CACNA2D3: variants seen among roughly 807,000 people sequenced by gnomAD.
CACNA2D3 encodes voltage-dependent calcium channel subunit alpha-2/delta-3.
Under a neutral mutation model 160.6 loss-of-function variants are expected in CACNA2D3, and 60 were observed. The observed-to-expected ratio is 0.37, with a 90% CI of 0.30 to 0.46. The LOEUF is 0.46. CACNA2D3 is among the 20% of genes least tolerant of loss of function. CACNA2D3 has a pLI of 1.00. For missense variants in CACNA2D3, 1,205 were observed against 1,365.0 expected (o/e 0.88, Z 1.85); for synonymous variants, 558 against 492.9 (o/e 1.13, Z -1.75).
chr3:54,691,390 G>T (rs1700567414), intron 11 of CACNA2D3, among the ~76,000 whole-genome samples: 1 of 152,140 alleles, frequency 6.6e-6, no homozygotes, highest in Non-Finnish European at 1.5e-5. Context: ...CATACAAACA[G>T]CTGATATGTG....
At chr3:54,767,459 G>GTAAA (rs1343163838) in intron 13 of CACNA2D3, among the ~76,000 whole-genome samples, 1 of 152,150 alleles carries the variant, frequency 6.6e-6, no homozygotes, top group Admixed American at 6.5e-5. Flanking sequence ...GGGCAAATGT[G>GTAAA]TAAATGCTGA....
At chr3:54,767,275 T>G (rs1036566537) in intron 13 of CACNA2D3, among the ~76,000 whole-genome samples, 3 of 152,166 alleles carry the variant, frequency 2.0e-5, no homozygotes, top group Admixed American at 1.3e-4. Flanking sequence ...GGAAAAAAAC[T>G]TTAGAATATA....
chr3:54,747,246 G>A (rs1443008944), intron 11 of CACNA2D3, among the ~76,000 whole-genome samples: 1 of 152,086 alleles, frequency 6.6e-6, no homozygotes, highest in African/African-American at 2.4e-5. Flanking sequence ...GGGAGGGTGG[G>A]TGCTATGACT....
chr3:54,740,015 C>A (rs1434033723), intron 11 of CACNA2D3, among the ~76,000 whole-genome samples: 2 of 151,952 alleles, frequency 1.3e-5, no homozygotes, highest in East Asian at 3.9e-4. Flanking sequence ...CTAGCATTTC[C>A]AGTTAATACT....
intron 9 of CACNA2D3, among the ~76,000 whole-genome samples, chr3:54,590,554 C>T (rs1702838778): frequency 6.6e-6 from 1 of 151,946 alleles, no homozygotes; most frequent in South Asian, 2.1e-4. Context: ...TAGTTTGTAA[C>T]ATGTCATTGA....
chr3:54,781,838 G>C (rs940783590), intron 13 of CACNA2D3, among the ~76,000 whole-genome samples: 2 of 152,210 alleles, frequency 1.3e-5, no homozygotes, highest in African/African-American at 4.8e-5. Context: ...CCTTGCATCA[G>C]AGCAAATGCA....
intron 31 of CACNA2D3, among the ~76,000 whole-genome samples, chr3:54,995,731 C>T (rs1156466287): frequency 1.3e-5 from 2 of 152,184 alleles, no homozygotes; most frequent in East Asian, 1.9e-4. Flanking sequence ...GGGAAATGTG[C>T]ATATTAAAAA....
chr3:54,311,837 A>T (rs1373537878), intron 2 of CACNA2D3, among the ~76,000 whole-genome samples: 1 of 152,118 alleles, frequency 6.6e-6, no homozygotes, highest in Non-Finnish European at 1.5e-5. Flanking sequence ...AAATAGCCAC[A>T]TTTTCAGTTT....
intron 35 of CACNA2D3, among the ~76,000 whole-genome samples, chr3:55,052,473 G>T (rs1460535749): frequency 6.6e-6 from 1 of 151,130 alleles, no homozygotes; most frequent in South Asian, 2.1e-4. Flanking sequence ...TATATATATA[G>T]TGTTGTTGTT....
At chr3:54,774,548 T>C (rs2107118032) in intron 13 of CACNA2D3, among the ~76,000 whole-genome samples, 1 of 152,018 alleles carries the variant, frequency 6.6e-6, no homozygotes, top group East Asian at 1.9e-4. Context: ...GGTTACAATT[T>C]GATACAAGAT....
intron 14 of CACNA2D3, among the ~76,000 whole-genome samples, chr3:54,821,720 T>TTCTTTC (rs1250903850): frequency 6.4e-5 from 7 of 109,244 alleles, no homozygotes; most frequent in Admixed American, 2.0e-4. Context: ...TTCTTTCCTC[T>TTCTTTC]CTCTCTCTCT....
At chr3:54,549,031 C>T (rs1031994649) in intron 5 of CACNA2D3, among the ~76,000 whole-genome samples, 3 of 152,168 alleles carry the variant, frequency 2.0e-5, no homozygotes, top group Non-Finnish European at 4.4e-5. Flanking sequence ...ATTCCTTTTC[C>T]CTGTCCCCTT....
At chr3:54,302,473 C>A (rs1703500420) in intron 2 of CACNA2D3, among the ~76,000 whole-genome samples, 1 of 152,092 alleles carries the variant, frequency 6.6e-6, no homozygotes, top group African/African-American at 2.4e-5. Context: ...CGGCAAGGTC[C>A]CAAGTATAAG....
At chr3:54,763,627 CTGTGTGTG>C (rs35183007) in intron 12 of CACNA2D3, among the ~76,000 whole-genome samples, 1 of 135,440 alleles carries the variant, frequency 7.4e-6, no homozygotes, top group Non-Finnish European at 1.6e-5. Context: ...TAAACATATA[CTGTGTGTG>C]TGTGTGTGTG....
chr3:54,451,229 C>CTTTTTTTTTTTTTTTTTTTTTTTTTTTT lies in CACNA2D3; in HGVS notation c.382-52258_382-52231dup. Among the ~76,000 whole-genome samples, 2 of 51,732 alleles carry CTTTTTTTTTTTTTTTTTTTTTTTTTTTT rather than the reference C, an allele frequency of 3.9e-5. 1 individual carries two copies. Among genetic ancestry groups the CTTTTTTTTTTTTTTTTTTTTTTTTTTTT allele is most frequent in the Non-Finnish European group, 6.3e-5 (2 of 31,614 alleles). The allele number at this position is 51,732 out of a possible 152,430, so 33.9% of individuals were successfully genotyped here. Reference sequence around the variant, plus strand: ...TGTCCCTTTCTGCTGATATAATAATCTTTTTTTTTTTTTTTTTTTTTTTTT... The same window carrying CTTTTTTTTTTTTTTTTTTTTTTTTTTTT: ...TGTCCCTTTCTGCTGATATAATAATCTTTTTTTTTTTTTTTTTTTTTTTTTTTTTTTTTTTTTTTTTTTTTTTTTTTTT... On this transcript the variant is annotated intron_variant, in intron 4 of 37. Coordinates refer to ENST00000474759, the MANE Select transcript of CACNA2D3 (RefSeq NM_018398.3).
intron 35 of CACNA2D3, among the ~76,000 whole-genome samples, chr3:55,019,488 A>G (rs1417697881): frequency 6.6e-6 from 1 of 152,060 alleles, no homozygotes; most frequent in African/African-American, 2.4e-5. Flanking sequence ...TTATAACTTT[A>G]TATATTTATA....
chr3:54,978,200 C>G (rs999106823), intron 29 of CACNA2D3, among the ~76,000 whole-genome samples: 1 of 152,128 alleles, frequency 6.6e-6, no homozygotes, highest in Non-Finnish European at 1.5e-5. Flanking sequence ...ATGCCTTAAC[C>G]GTCTGGGAAT....
At chr3:55,059,206 C>T (rs1575457087) in intron 35 of CACNA2D3, among the ~76,000 whole-genome samples, 1 of 152,056 alleles carries the variant, frequency 6.6e-6, no homozygotes, top group Non-Finnish European at 1.5e-5. Flanking sequence ...GCTAAATGAA[C>T]CCAACAATTC....
chr3:54,171,135 A>ATTTTTTTT (rs1700557445), intron 2 of CACNA2D3, among the ~76,000 whole-genome samples: 1 of 18,754 alleles, frequency 5.3e-5, no homozygotes. Flanking sequence ...AAAGATGATG[A>ATTTTTTTT]CTTTTTTTTT....
Sources: allele counts gnomAD v4.1 joint callset (sites outside exome capture counted in the v4.1 genomes callset), GRCh38; gene constraint gnomAD v4.1.1; transcripts MANE v1.5; gene names NCBI Gene and HGNC (gene_info 2026-07-23, HGNC 2026-07-21).